The following COPS9 variants were observed in gnomAD, a reference collection of about 807,000 sequenced individuals.
The protein encoded by COPS9 is COP9 signalosome subunit 9, also known as COP9 signalosome complex subunit 9.
COPS9 carries 8 observed loss-of-function variants against 7.2 expected under a neutral mutation model. The ratio of observed to expected loss-of-function variants is 1.11; its 90% CI spans 0.65 to 2.00. The LOEUF is 2.00. Ranked by LOEUF, COPS9 falls within the 30% of genes most tolerant of loss-of-function variation. The pLI is 0.00. For synonymous variants in COPS9, 39 were observed against 28.7 expected, an observed-to-expected ratio of 1.36 and a Z score of -1.14; for missense variants, 74 against 77.7, an observed-to-expected ratio of 0.95 and a Z score of 0.18.
downstream of COPS9, among the ~76,000 whole-genome samples, chr2:240,130,457 G>A (rs1016250870): frequency 4.6e-5 from 7 of 152,242 alleles, no homozygotes; most frequent in South Asian, 6.2e-4. Context: ...CGTAGAAGGC[G>A]TCTCCTGCAG....
chr2:240,131,874 G>A (rs1319871666), intron 2 of COPS9, among the ~76,000 whole-genome samples: 1 of 152,204 alleles, frequency 6.6e-6, no homozygotes, highest in Non-Finnish European at 1.5e-5. Context: ...CTCCTGGAGG[G>A]TCAGAGCGAA....
Position 240,130,838 on chromosome 2 carries a change from T to G in COPS9, c.*213A>C. On this transcript the variant is annotated 3_prime_UTR_variant, in exon 3 of 3. Transcript: ENST00000607357. ...AGATCACTCCACATGTGACATTGCT[T>G]TCTTTTAATTGGAGTGAGGACAAAA... is the stretch of plus-strand genomic sequence containing the variant. The G allele has an allele frequency of 7.1e-7, 1 of 1,403,300 alleles. No individual in the cohort carries two copies. Among genetic ancestry groups the G allele is most frequent in the Non-Finnish European group, 9.2e-7 (1 of 1,083,450 alleles). The allele number at this position is 1,403,300 out of a possible 1,614,324, so 86.9% of individuals were successfully genotyped here. A position where few individuals can be genotyped will look rare whatever the true frequency, so the allele number is the denominator to read the frequency against.
chr2:240,131,297 T>C (rs1410588705), intron 2 of COPS9, among the ~76,000 whole-genome samples: 4 of 152,150 alleles, frequency 2.6e-5, no homozygotes, highest in Non-Finnish European at 4.4e-5. Flanking sequence ...CTAGAGTGCT[T>C]TCTAGCTTTC....
chr2:240,129,854 G>C, downstream of COPS9: 1 of 1,483,412 alleles, frequency 6.7e-7, no homozygotes, highest in South Asian at 1.2e-5. Context: ...CAGAAACAAA[G>C]CGGCAGCCTC....
chr2:240,129,922 C>T, downstream of COPS9: 1 of 1,613,950 alleles, frequency 6.2e-7, no homozygotes, highest in Non-Finnish European at 8.5e-7. Flanking sequence ...TCTTCCGACA[C>T]CACAGGCCGC....
chr2:240,133,640 C>G (rs1357473963), intron 2 of COPS9, among the ~76,000 whole-genome samples: 2 of 152,236 alleles, frequency 1.3e-5, no homozygotes, highest in African/African-American at 4.8e-5. Context: ...GACCTGGCTA[C>G]AGTCTGAGGT....
chr2:240,127,462 G>A (rs2071878130), downstream of COPS9, among the ~76,000 whole-genome samples: 2 of 152,070 alleles, frequency 1.3e-5, no homozygotes, highest in African/African-American at 4.8e-5. Flanking sequence ...TGCCCACATC[G>A]GGCCATGTCT....
downstream of COPS9, chr2:240,126,862 C>T (rs368378539): frequency 3.9e-5 from 63 of 1,614,022 alleles, no homozygotes; most frequent in Non-Finnish European, 5.1e-5. Flanking sequence ...AACATTAGCG[C>T]CTCCGCCCCC....
At chr2:240,131,293 T>C (rs188153305) in intron 2 of COPS9, among the ~76,000 whole-genome samples, 1 of 152,140 alleles carries the variant, frequency 6.6e-6, no homozygotes, top group Admixed American at 6.5e-5. Flanking sequence ...TTGGCTAGAG[T>C]GCTTTCTAGC....
At chr2:240,135,499 A>G (rs1302877632) in intron 1 of COPS9, among the ~76,000 whole-genome samples, 1 of 152,144 alleles carries the variant, frequency 6.6e-6, no homozygotes, top group Admixed American at 6.5e-5. Flanking sequence ...AGGCCCTGAC[A>G]TGTAGGAGCT....
rs901735376 is a variant in COPS9 at position 240,132,115 on chromosome 2, T to C, written c.137-1027A>G. Among the ~76,000 whole-genome samples, 4 of 152,196 alleles carry C rather than the reference T, an allele frequency of 2.6e-5. No homozygotes were observed. The highest frequency in any genetic ancestry group is 5.9e-5 in the Non-Finnish European group (4 of 68,038). On this transcript the variant is annotated intron_variant, in intron 2 of 2. Transcript: ENST00000607357. The surrounding 1 kb of genome is among the most constrained non-coding windows in gnomAD (Gnocchi z 4.1). Reference sequence around the variant, plus strand: ...CCGACCTCTGCTCTGCTGCCCCCTCTGGAGAAACCTCCCTCTGCAGTGCTC... The same window carrying C: ...CCGACCTCTGCTCTGCTGCCCCCTCCGGAGAAACCTCCCTCTGCAGTGCTC...
downstream of COPS9, among the ~76,000 whole-genome samples, chr2:240,128,896 A>C (rs965100320): frequency 5.9e-5 from 9 of 152,242 alleles, no homozygotes; most frequent in African/African-American, 2.2e-4. Flanking sequence ...TAGAGCCCAC[A>C]CAGGTCTCAA....
At chr2:240,129,441 C>T (rs1052549527), downstream of COPS9, among the ~76,000 whole-genome samples, 4 of 152,156 alleles carry the variant, frequency 2.6e-5, no homozygotes, top group African/African-American at 9.7e-5. Context: ...GCTGGGATTA[C>T]AGGAGTGAGC....
chr2:240,129,018 A>G (rs981954080), downstream of COPS9, among the ~76,000 whole-genome samples: 4 of 152,242 alleles, frequency 2.6e-5, no homozygotes, highest in Non-Finnish European at 4.4e-5. Context: ...TGGGGCTCAC[A>G]GGCCTTGGTC....
At position 240,133,962 on chromosome 2, in the gene COPS9, T is replaced by C; in HGVS notation, c.107A>G (p.Glu36Gly). 1 of 1,614,164 alleles carries C rather than the reference T, an allele frequency of 6.2e-7. No homozygotes were observed. Among genetic ancestry groups the C allele is most frequent in the Non-Finnish European group, 8.5e-7 (1 of 1,180,034 alleles). Residue 36 changes from glutamate to glycine, a missense_variant, in exon 2 of 3, where the codon GAA (glutamate) becomes GGA (glycine). By Grantham distance (98) the Glu-to-Gly change is moderately conservative. Transcript: ENST00000607357. ...TGLLMDLAAN[E>G]KAVHADFFND... ...AAAAAAGTCTGCATGAACGGCCTTTTCATTGGCTGCCAAGTCCATCAAGAG... is the reference window on the plus strand; with the variant it reads ...AAAAAAGTCTGCATGAACGGCCTTTCCATTGGCTGCCAAGTCCATCAAGAG...
intron 2 of COPS9, 33 bp from the exon 3 acceptor site, chr2:240,131,121 C>CT (rs759985670): frequency 6.2e-7 from 1 of 1,607,818 alleles, no homozygotes; most frequent in Admixed American, 1.7e-5. Flanking sequence ...GTAGTTACAC[C>CT]TACAAGGGTA....
downstream of COPS9, chr2:240,129,998 C>T (rs1250200883): frequency 1.2e-5 from 19 of 1,613,904 alleles, no homozygotes; most frequent in Admixed American, 5.0e-5. Context: ...CCATGGAGGA[C>T]TGCTGGCTTG....
At chr2:240,133,696 A>G (rs1287052154) in intron 2 of COPS9, among the ~76,000 whole-genome samples, 1 of 152,214 alleles carries the variant, frequency 6.6e-6, no homozygotes, top group Admixed American at 6.5e-5. Context: ...AAACTCAACT[A>G]CTGGGCTGCA....
At chr2:240,127,183 G>A (rs1473359135), downstream of COPS9, among the ~76,000 whole-genome samples, 1 of 152,170 alleles carries the variant, frequency 6.6e-6, no homozygotes, top group African/African-American at 2.4e-5. Context: ...ACTGTGCAGG[G>A]CACTGCCAGA....
Sources: gnomAD v4.1 joint callset for allele counts (sites outside exome capture counted in the v4.1 genomes callset) on GRCh38, gnomAD v4.1.1 for gene constraint, Gnocchi (gnomAD v3.1) non-coding constraint, MANE v1.5 for transcripts, NCBI Gene and HGNC (gene_info 2026-07-23, HGNC 2026-07-21) for gene names.